Variants in DNAJC3 observed in about 807,000 individuals in gnomAD.
DNAJC3 encodes the protein DnaJ heat shock protein family (Hsp40) member C3.
Under a neutral mutation model 68.6 loss-of-function variants are expected in DNAJC3, and 38 were observed. The observed-to-expected ratio is 0.55, with a 90% CI of 0.43 to 0.73. The LOEUF (loss-of-function observed/expected upper bound fraction) is 0.73. DNAJC3 is among the 30% of genes least tolerant of loss of function. DNAJC3 has a pLI of 0.00. For missense variants in DNAJC3, 526 were observed against 591.9 expected (o/e 0.89, Z 1.16); for synonymous variants, 203 against 204.0 (o/e 1.00, Z 0.04).
intron 1 of DNAJC3, among the ~76,000 whole-genome samples, 167 bp downstream of exon 1, chr13:95,677,504 G>C (rs1366099330): frequency 1.3e-5 from 2 of 152,228 alleles, no homozygotes; most frequent in African/African-American, 4.8e-5. Context: ...TTCCGGGTTT[G>C]TCTGGGGAAG....
rs983189758 is a variant in DNAJC3 at position 95,764,089 on chromosome 13, C to G, written c.1075+136C>G. ...ACAATTTTAGAAAAATGGCAGAGAA[C>G]TTGAAAATTACTCTTCCATAGTGGA... On this transcript the variant is annotated intron_variant, in intron 9 of 11. Coordinates refer to ENST00000602402, the MANE Select transcript of DNAJC3 (RefSeq NM_006260.5). 3.0e-6 allele frequency: 4 copies of G among 1,351,766 alleles called. No individual in the cohort carries two copies. In the Admixed American group the frequency reaches 7.7e-5, roughly 26 times the overall value. 83.7% of individuals were successfully genotyped at this position (1,351,766 alleles called of 1,614,324 possible).
intron 10 of DNAJC3, 108 bp downstream of exon 10, chr13:95,786,179 C>A: frequency 8.3e-7 from 1 of 1,206,222 alleles, no homozygotes; most frequent in Non-Finnish European, 1.1e-6. Flanking sequence ...TATGTAATTT[C>A]AGTCATATGG....
chr13:95,752,658 C>T (rs1474923829), intron 4 of DNAJC3, among the ~76,000 whole-genome samples: 1 of 152,162 alleles, frequency 6.6e-6, no homozygotes, highest in Non-Finnish European at 1.5e-5. Flanking sequence ...TTACAGCACT[C>T]TCTGTTATAA....
At chr13:95,722,613 T>TAAA (rs533131974) in intron 2 of DNAJC3, among the ~76,000 whole-genome samples, 3 of 139,072 alleles carry the variant, frequency 2.2e-5, no homozygotes, top group African/African-American at 2.6e-5. Context: ...TACAAAAAAT[T>TAAA]AAAAAAAAAA....
At chr13:95,749,816 G>A (rs556250089) in intron 4 of DNAJC3, among the ~76,000 whole-genome samples, 5 of 152,118 alleles carry the variant, frequency 3.3e-5, no homozygotes, top group East Asian at 1.9e-4. Flanking sequence ...TTGTGAGGCC[G>A]AGGCAGGCGG....
At chr13:95,705,072 G>A (rs1370321504) in intron 1 of DNAJC3, among the ~76,000 whole-genome samples, 3 of 151,926 alleles carry the variant, frequency 2.0e-5, no homozygotes, top group Admixed American at 2.0e-4. Flanking sequence ...GGCTAGTCTT[G>A]AATTCCTGAC....
intron 4 of DNAJC3, among the ~76,000 whole-genome samples, chr13:95,738,077 T>C (rs1593992635): frequency 1.3e-5 from 2 of 148,276 alleles, no homozygotes; most frequent in Non-Finnish European, 3.0e-5. Flanking sequence ...CATTTCGTTA[T>C]GTACCCAGTA....
At chr13:95,689,916 G>GTAT (rs1353477710) in intron 1 of DNAJC3, among the ~76,000 whole-genome samples, 1 of 151,452 alleles carries the variant, frequency 6.6e-6, no homozygotes, top group Non-Finnish European at 1.5e-5. Context: ...GTTCCTTTTG[G>GTAT]TATTGACTTC....
chr13:95,763,516 G>A (rs533804277), intron 7 of DNAJC3, 127 bp from the exon 8 acceptor site: 15 of 804,894 alleles, frequency 1.9e-5, no homozygotes, highest in East Asian at 5.4e-5. Context: ...GGGAAAAGCC[G>A]AATCTGAAGC....
At chr13:95,711,103 A>G (rs1237577265) in intron 2 of DNAJC3, among the ~76,000 whole-genome samples, 1 of 152,178 alleles carries the variant, frequency 6.6e-6, no homozygotes, top group Non-Finnish European at 1.5e-5. Context: ...ACTTTTCTTT[A>G]TGCTTTTTCT....
chr13:95,709,516 A>G (rs1880880646), intron 2 of DNAJC3, among the ~76,000 whole-genome samples, 179 bp downstream of exon 2: 3 of 151,928 alleles, frequency 2.0e-5, no homozygotes, highest in Admixed American at 2.0e-4. Flanking sequence ...ACTTAAATGT[A>G]TGTGCATCTA....
intron 4 of DNAJC3, 130 bp from the exon 5 acceptor site, chr13:95,757,514 T>G: frequency 1.0e-6 from 1 of 966,634 alleles, no homozygotes; most frequent in Non-Finnish European, 1.4e-6. Context: ...GACAAGCCAG[T>G]TTTTCCAGTA....
chr13:95,691,791 C>A (rs1366529162), intron 1 of DNAJC3, among the ~76,000 whole-genome samples: 1 of 152,236 alleles, frequency 6.6e-6, no homozygotes, highest in African/African-American at 2.4e-5. Context: ...ACGAGACTCC[C>A]TCTGCAATCC....
chr13:95,680,107 T>A (rs1879874035), intron 1 of DNAJC3, among the ~76,000 whole-genome samples: 1 of 152,214 alleles, frequency 6.6e-6, no homozygotes, highest in Admixed American at 6.5e-5. Flanking sequence ...AAAACTTTAG[T>A]AGTATCTGCT....
At chr13:95,787,704 A>G (rs1367436938) in intron 11 of DNAJC3, among the ~76,000 whole-genome samples, 2 of 151,908 alleles carry the variant, frequency 1.3e-5, no homozygotes, top group Non-Finnish European at 2.9e-5. Flanking sequence ...TTTTGTAGAA[A>G]TGGGATCTCA....
At chr13:95,776,292 T>C (rs1883290180) in intron 9 of DNAJC3, among the ~76,000 whole-genome samples, 1 of 152,224 alleles carries the variant, frequency 6.6e-6, no homozygotes, top group Admixed American at 6.5e-5. Flanking sequence ...CTTTTATGTA[T>C]AGTAAACTAT....
intron 4 of DNAJC3, among the ~76,000 whole-genome samples, chr13:95,728,829 C>T (rs547973339): frequency 1.3e-5 from 2 of 152,232 alleles, no homozygotes; most frequent in South Asian, 4.1e-4. Context: ...CACGTTCTCC[C>T]AGCTATTTTG....
At chr13:95,718,833 G>T (rs1430888697) in intron 2 of DNAJC3, among the ~76,000 whole-genome samples, 2 of 152,138 alleles carry the variant, frequency 1.3e-5, no homozygotes, top group African/African-American at 4.8e-5. Context: ...AAATGTGTGG[G>T]AATTTCTCTC....
chr13:95,739,532 C>A (rs1882052502), intron 4 of DNAJC3, among the ~76,000 whole-genome samples: 2 of 151,460 alleles, frequency 1.3e-5, no homozygotes, highest in South Asian at 2.1e-4. Flanking sequence ...TCTTTTTATT[C>A]TTTTTTCTCT....
Sources: gnomAD v4.1 joint callset for allele counts (sites outside exome capture counted in the v4.1 genomes callset) on GRCh38, gnomAD v4.1.1 for gene constraint, MANE v1.5 for transcripts, NCBI Gene and HGNC (gene_info 2026-07-23, HGNC 2026-07-21) for gene names.